The following ELMO1 variants were observed in gnomAD, a reference collection of about 807,000 sequenced individuals.
ELMO1 encodes engulfment and cell motility protein 1.
ELMO1 carries 26 observed loss-of-function variants against 98.9 expected under a neutral mutation model. The ratio of observed to expected loss-of-function variants is 0.26; its 90% CI spans 0.19 to 0.36. The LOEUF (loss-of-function observed/expected upper bound fraction) is 0.36, where lower values mean the gene tolerates loss of function less well. Ranked by LOEUF, ELMO1 falls within the 10% of genes least tolerant of loss-of-function variation. The pLI is 1.00. For synonymous variants in ELMO1, 346 were observed against 346.0 expected, an observed-to-expected ratio of 1.00 and a Z score of 0.00; for missense variants, 627 against 935.2, an observed-to-expected ratio of 0.67 and a Z score of 4.30.
chr7:37,299,793 A>G (rs1798255405), intron 4 of ELMO1, among the ~76,000 whole-genome samples: 1 of 29,054 alleles, frequency 3.4e-5, no homozygotes, highest in South Asian at 1.0e-3. Flanking sequence ...AGTTTTTTCC[A>G]ATTCTGTGAA....
chr7:37,223,656 A>C (rs1793717067), intron 9 of ELMO1, among the ~76,000 whole-genome samples: 1 of 152,246 alleles, frequency 6.6e-6, no homozygotes, highest in Non-Finnish European at 1.5e-5. Context: ...AAATTAATAC[A>C]GTTCACATTC....
At chr7:37,390,795 G>C (rs1246547123) in intron 1 of ELMO1, among the ~76,000 whole-genome samples, 1 of 152,152 alleles carries the variant, frequency 6.6e-6, no homozygotes, top group African/African-American at 2.4e-5. Flanking sequence ...AGGTGTTGAG[G>C]GCCATGAGCT....
At chr7:37,323,418 C>T (rs186366120) in intron 2 of ELMO1, among the ~76,000 whole-genome samples, 96 of 152,252 alleles carry the variant, frequency 6.3e-4, no homozygotes, top group Non-Finnish European at 1.0e-3. Context: ...TAAGGATGGA[C>T]GCGATGGCTC....
At chr7:37,075,655 G>A (rs1254894102) in intron 15 of ELMO1, among the ~76,000 whole-genome samples, 2 of 152,046 alleles carry the variant, frequency 1.3e-5, no homozygotes, top group African/African-American at 4.8e-5. Context: ...TATGCACATA[G>A]GAAATGTCAC....
At chr7:36,909,901 AAATG>A (rs1308705006) in intron 16 of ELMO1, among the ~76,000 whole-genome samples, 1 of 152,248 alleles carries the variant, frequency 6.6e-6, no homozygotes, top group South Asian at 2.1e-4. Context: ...AGCAATAAAT[AAATG>A]AATGAATGAC....
intron 16 of ELMO1, among the ~76,000 whole-genome samples, chr7:36,951,221 G>A (rs1331435630): frequency 2.6e-5 from 4 of 152,066 alleles, no homozygotes; most frequent in Non-Finnish European, 4.4e-5. Context: ...TCTTAAAAGG[G>A]AGTCCAGATC....
intron 13 of ELMO1, among the ~76,000 whole-genome samples, chr7:37,162,870 A>T (rs1789325240): frequency 6.6e-6 from 1 of 152,204 alleles, no homozygotes; most frequent in Non-Finnish European, 1.5e-5. Context: ...TACTGCCAAA[A>T]ATCTAAACAC....
chr7:37,351,574 T>A (rs956800800), intron 1 of ELMO1, among the ~76,000 whole-genome samples: 2 of 152,240 alleles, frequency 1.3e-5, no homozygotes, highest in African/African-American at 2.4e-5. Flanking sequence ...ATGTTCAGTT[T>A]CTGTTGAGTT....
chr7:36,920,405 T>C (rs1343635352), intron 16 of ELMO1, among the ~76,000 whole-genome samples: 1 of 152,200 alleles, frequency 6.6e-6, no homozygotes, highest in Non-Finnish European at 1.5e-5. Flanking sequence ...AGTTTATGTT[T>C]CCTAATTCAG....
intron 18 of ELMO1, among the ~76,000 whole-genome samples, chr7:36,878,380 G>A (rs1804142106): frequency 6.6e-6 from 1 of 152,120 alleles, no homozygotes; most frequent in Admixed American, 6.5e-5. Context: ...TAGATTTTAT[G>A]AGGTGGTGGC....
chr7:37,171,476 C>A (rs528818738), intron 13 of ELMO1, among the ~76,000 whole-genome samples: 6 of 108,320 alleles, frequency 5.5e-5, no homozygotes, highest in African/African-American at 9.6e-5. Flanking sequence ...TGTAACCAGG[C>A]CTTTCTATTT....
chr7:36,903,866 C>T (rs892777992), intron 16 of ELMO1, among the ~76,000 whole-genome samples: 4 of 152,178 alleles, frequency 2.6e-5, no homozygotes, highest in Admixed American at 1.3e-4. Context: ...CAACTGCTCC[C>T]GACAGCACGG....
intron 1 of ELMO1, among the ~76,000 whole-genome samples, chr7:37,370,128 G>A (rs1802059358): frequency 6.6e-6 from 1 of 152,142 alleles, no homozygotes; most frequent in African/African-American, 2.4e-5. Flanking sequence ...CTCTCCTGAG[G>A]GCAATTCCAA....
chr7:37,348,809 T>C (rs1251908656), intron 1 of ELMO1, among the ~76,000 whole-genome samples: 2 of 152,336 alleles, frequency 1.3e-5, no homozygotes, highest in Admixed American at 6.5e-5. Flanking sequence ...GGTTTTTCCA[T>C]ACAGCTTAAT....
At chr7:37,305,814 C>T (rs910765827) in intron 4 of ELMO1, among the ~76,000 whole-genome samples, 5 of 152,164 alleles carry the variant, frequency 3.3e-5, no homozygotes, top group African/African-American at 1.2e-4. Flanking sequence ...GTACTTGGAA[C>T]CTTGCTGAGA....
chr7:37,130,301 T>G (rs150784051), intron 14 of ELMO1, among the ~76,000 whole-genome samples: 1 of 152,166 alleles, frequency 6.6e-6, no homozygotes, highest in Non-Finnish European at 1.5e-5. Context: ...CCCCATCCTT[T>G]GGCTCATGGC....
intron 16 of ELMO1, among the ~76,000 whole-genome samples, chr7:36,935,357 A>G (rs1218899476): frequency 6.6e-6 from 1 of 152,122 alleles, no homozygotes; most frequent in Non-Finnish European, 1.5e-5. Flanking sequence ...CCAGTCTTGC[A>G]TATATCTTTA....
At chr7:36,976,991 T>C (rs1203787363) in intron 16 of ELMO1, among the ~76,000 whole-genome samples, 4 of 152,192 alleles carry the variant, frequency 2.6e-5, no homozygotes, top group African/African-American at 9.7e-5. Context: ...ACACTTGGAT[T>C]TGAACTTCAC....
intron 1 of ELMO1, among the ~76,000 whole-genome samples, chr7:37,386,630 C>G (rs1477454844): frequency 6.6e-6 from 1 of 151,884 alleles, no homozygotes; most frequent in African/African-American, 2.4e-5. Flanking sequence ...ACACTCAGTT[C>G]AGGTAAGTAA....
Sources: allele counts gnomAD v4.1 joint callset (sites outside exome capture counted in the v4.1 genomes callset), GRCh38; gene constraint gnomAD v4.1.1; transcripts MANE v1.5; gene names NCBI Gene and HGNC (gene_info 2026-07-23, HGNC 2026-07-21).